The following NUDCD3 variants were observed in gnomAD, a reference collection of about 807,000 sequenced individuals.
NUDCD3 encodes the protein NudC domain containing 3.
A neutral mutation model predicts 39.7 loss-of-function variants in NUDCD3; 13 were observed. The observed-to-expected ratio is 0.33, with a 90% CI of 0.21 to 0.52. The LOEUF (loss-of-function observed/expected upper bound fraction) is 0.52. Ranked by LOEUF, NUDCD3 falls within the 20% of genes least tolerant of loss-of-function variation. NUDCD3 has a pLI of 0.96. For missense variants in NUDCD3, 453 were observed against 458.1 expected (o/e 0.99, Z 0.10); for synonymous variants, 175 against 172.4 (o/e 1.02, Z -0.12).
At chr7:44,490,209 G>A (rs1321636141) in intron 1 of NUDCD3, 200 bp downstream of exon 1, 2 of 568,290 alleles carry the variant, frequency 3.5e-6, no homozygotes, top group African/African-American at 4.0e-5. Flanking sequence ...TGAAACCTCA[G>A]GACGTCCGGA....
At chr7:44,406,768 C>T (rs1348871501) in intron 3 of NUDCD3, among the ~76,000 whole-genome samples, 1 of 152,102 alleles carries the variant, frequency 6.6e-6, no homozygotes, top group East Asian at 1.9e-4. Flanking sequence ...AAACCCCAGA[C>T]AGTGAAAATG....
At chr7:44,409,324 T>C (rs1325959437) in intron 3 of NUDCD3, among the ~76,000 whole-genome samples, 1 of 152,148 alleles carries the variant, frequency 6.6e-6, no homozygotes, top group African/African-American at 2.4e-5. Context: ...AAACAGGTGT[T>C]TACTGATCCC....
At chr7:44,451,953 G>A (rs1382230928) in intron 2 of NUDCD3, among the ~76,000 whole-genome samples, 1 of 152,122 alleles carries the variant, frequency 6.6e-6, no homozygotes, top group Non-Finnish European at 1.5e-5. Flanking sequence ...GGCCATTTGT[G>A]GAGAAAAGTC....
rs544717343 is a variant in NUDCD3, at chr7:44,388,046, T to A, written c.976-1925A>T. ...TAGGGAAAAGATGAAGGGTTTTAAATTTGTTGACTTTGGAAAAAGGTTAGT... is the reference window on the plus strand; with the variant it reads ...TAGGGAAAAGATGAAGGGTTTTAAAATTGTTGACTTTGGAAAAAGGTTAGT... On this transcript the variant is annotated intron_variant, in intron 5 of 5. Coordinates refer to ENST00000355451, the MANE Select transcript of NUDCD3 (RefSeq NM_015332.4). Among the ~76,000 whole-genome samples the A allele has an allele frequency of 1.1e-4, 16 of 152,328 alleles. No individual in the cohort carries two copies. The South Asian group carries it at 3.3e-3, about 32-fold the overall frequency.
At chr7:44,399,160 G>T (rs143985090) in intron 4 of NUDCD3, among the ~76,000 whole-genome samples, 1 of 152,128 alleles carries the variant, frequency 6.6e-6, no homozygotes, top group Admixed American at 6.5e-5. Flanking sequence ...CCTGTCCATG[G>T]TGCCACCAAG....
chr7:44,434,541 A>G (rs1392324162), intron 2 of NUDCD3, among the ~76,000 whole-genome samples: 1 of 152,114 alleles, frequency 6.6e-6, no homozygotes, highest in Non-Finnish European at 1.5e-5. Context: ...ATGCTTCTTT[A>G]CTAGCAGGGA....
At chr7:44,441,470 A>G (rs1335752193) in intron 2 of NUDCD3, among the ~76,000 whole-genome samples, 1 of 152,166 alleles carries the variant, frequency 6.6e-6, no homozygotes, top group Non-Finnish European at 1.5e-5. Context: ...TCCCGCCAAC[A>G]ATAGCACCAA....
chr7:44,421,309 G>A (rs1026818687), intron 3 of NUDCD3, among the ~76,000 whole-genome samples: 44 of 147,852 alleles, frequency 3.0e-4, no homozygotes, highest in African/African-American at 1.1e-3. Flanking sequence ...CTCCAGCATG[G>A]GCAACAGAGC....
At chr7:44,457,833 T>C (rs572601471) in intron 2 of NUDCD3, among the ~76,000 whole-genome samples, 6 of 152,136 alleles carry the variant, frequency 3.9e-5, no homozygotes, top group East Asian at 1.9e-4. Context: ...TCAAAAAAAA[T>C]AGATAAGTTT....
At chr7:44,445,017 C>T (rs1466880845) in intron 2 of NUDCD3, among the ~76,000 whole-genome samples, 2 of 152,232 alleles carry the variant, frequency 1.3e-5, no homozygotes, top group African/African-American at 4.8e-5. Flanking sequence ...ACCTCCACAA[C>T]ATCTGACATG....
At position 44,384,479 on chromosome 7, in the gene NUDCD3, T is replaced by A. The variant is rs1798365870; in HGVS notation, c.*1532A>T. The A allele has an allele frequency of 2.0e-5, 3 of 152,106 alleles. No individual in the cohort carries two copies. In the South Asian group the frequency reaches 6.2e-4, roughly 32 times the overall value. 9.4% of individuals were successfully genotyped at this position (152,106 alleles called of 1,614,324 possible). A position where few individuals can be genotyped will look rare whatever the true frequency, so the allele number is the denominator to read the frequency against. ...AGGGCCTTTTGCTCTCCTGTGATGA[T>A]CGGAGCAACATGTTTGGACCCACAG... On this transcript the variant is annotated 3_prime_UTR_variant, in exon 6 of 6. Coordinates refer to ENST00000355451, the MANE Select transcript of NUDCD3 (RefSeq NM_015332.4).
intron 1 of NUDCD3, among the ~76,000 whole-genome samples, chr7:44,488,635 T>TA (rs1800667725): frequency 6.6e-6 from 1 of 152,214 alleles, no homozygotes; most frequent in Non-Finnish European, 1.5e-5. Context: ...TCAACCTGTC[T>TA]AAAACTGAAC....
chr7:44,456,020 C>T (rs371195285), intron 2 of NUDCD3, among the ~76,000 whole-genome samples: 2 of 90,028 alleles, frequency 2.2e-5, no homozygotes, highest in African/African-American at 9.2e-5. Flanking sequence ...AGCGAGACTC[C>T]GTCTCAAAAA....
chr7:44,474,351 CAGTT>C (rs1240742162), intron 2 of NUDCD3, among the ~76,000 whole-genome samples: 2 of 152,210 alleles, frequency 1.3e-5, no homozygotes. Context: ...AATAAATCCT[CAGTT>C]AGTCCACGAG....
chr7:44,461,247 C>T, intron 2 of NUDCD3, among the ~76,000 whole-genome samples: 1 of 152,214 alleles, frequency 6.6e-6, no homozygotes, highest in Non-Finnish European at 1.5e-5. Context: ...TGGGTCTGGA[C>T]CCTTCCTCTG....
At chr7:44,400,358 A>G (rs1798698244) in intron 4 of NUDCD3, among the ~76,000 whole-genome samples, 2 of 152,216 alleles carry the variant, frequency 1.3e-5, no homozygotes, top group Admixed American at 1.3e-4. Context: ...CGGCACAGGG[A>G]GGAGCAGGTT....
At chr7:44,408,639 T>G (rs958325449) in intron 3 of NUDCD3, among the ~76,000 whole-genome samples, 1 of 152,172 alleles carries the variant, frequency 6.6e-6, no homozygotes, top group African/African-American at 2.4e-5. Context: ...TTGGCAAAAA[T>G]TGTCAGTATC....
At chr7:44,464,242 G>A (rs879811194) in intron 2 of NUDCD3, among the ~76,000 whole-genome samples, 14 of 150,054 alleles carry the variant, frequency 9.3e-5, no homozygotes, top group Non-Finnish European at 1.6e-4. Context: ...AAAAGAAAAC[G>A]AAGCAAGAAT....
intron 4 of NUDCD3, chr7:44,402,641 C>T (rs1340611094): frequency 4.4e-6 from 2 of 456,558 alleles, no homozygotes; most frequent in Non-Finnish European, 4.4e-6. Context: ...GGGTTGCTCA[C>T]CAAGAGCTCC....
Sources: allele counts gnomAD v4.1 joint callset (sites outside exome capture counted in the v4.1 genomes callset), GRCh38; gene constraint gnomAD v4.1.1; transcripts MANE v1.5; gene names NCBI Gene and HGNC (gene_info 2026-07-23, HGNC 2026-07-21).